Variants in PRKN observed in about 807,000 individuals in gnomAD.
PRKN encodes the protein parkin RBR E3 ubiquitin protein ligase.
Under a neutral mutation model 59.5 loss-of-function variants are expected in PRKN, and 56 were observed. That is an observed-to-expected ratio of 0.94 (90% confidence interval 0.76 to 1.18). The LOEUF is 1.18. Among genes scored for constraint, PRKN ranks in the 50% most tolerant of loss-of-function variants. The probability of loss-of-function intolerance (pLI) is 0.00; values close to 1 mark genes in which losing one functional copy is unlikely to be tolerated. For synonymous variants in PRKN, 250 were observed against 222.1 expected (o/e 1.13, Z -1.12); for missense variants, 657 against 596.4 (o/e 1.10, Z -1.06).
At chr6:162,191,786 C>T (rs1037112941) in intron 4 of PRKN, among the ~76,000 whole-genome samples, 14 of 152,126 alleles carry the variant, frequency 9.2e-5, no homozygotes, top group African/African-American at 3.1e-4. Context: ...CTGCTGTGTC[C>T]GTTGTTATCC....
chr6:162,000,041 T>TCTA (rs1177159066), intron 5 of PRKN, among the ~76,000 whole-genome samples: 34 of 152,122 alleles, frequency 2.2e-4, no homozygotes, highest in Admixed American at 1.3e-4. Flanking sequence ...TTTCCATCCA[T>TCTA]CTACTGAAGG....
chr6:161,668,347 A>G (rs2128167960), intron 7 of PRKN, among the ~76,000 whole-genome samples: 1 of 152,280 alleles, frequency 6.6e-6, no homozygotes, highest in African/African-American at 2.4e-5. Flanking sequence ...CTGGGTACAG[A>G]TCTCATTATG....
At chr6:161,374,612 G>GCAGGTTATGTA (rs1406474919) in intron 10 of PRKN, among the ~76,000 whole-genome samples, 1 of 1,520 alleles carries the variant, frequency 6.6e-4, no homozygotes, top group Non-Finnish European at 1.7e-3. Context: ...GTGTATGTGT[G>GCAGGTTATGTA]TATGTGTGTG....
At chr6:162,243,042 C>T (rs1779050954) in intron 3 of PRKN, among the ~76,000 whole-genome samples, 1 of 151,752 alleles carries the variant, frequency 6.6e-6, no homozygotes, top group African/African-American at 2.4e-5. Flanking sequence ...GCCAATCTTG[C>T]AGACTTGTAG....
At chr6:161,966,694 G>A (rs1253294199) in intron 6 of PRKN, among the ~76,000 whole-genome samples, 1 of 152,358 alleles carries the variant, frequency 6.6e-6, no homozygotes, top group Non-Finnish European at 1.5e-5. Context: ...TGAAGAGCAA[G>A]TCACTACTGT....
At chr6:162,533,022 T>G (rs576858986) in intron 1 of PRKN, among the ~76,000 whole-genome samples, 1 of 152,316 alleles carries the variant, frequency 6.6e-6, no homozygotes, top group African/African-American at 2.4e-5. Flanking sequence ...CCCTAGGTGC[T>G]TATCGGCTGT....
At chr6:161,543,431 T>C (rs1003803897) in intron 9 of PRKN, among the ~76,000 whole-genome samples, 3 of 152,150 alleles carry the variant, frequency 2.0e-5, no homozygotes, top group African/African-American at 7.2e-5. Flanking sequence ...AAGATGAACA[T>C]GGTTAAGAGG....
chr6:162,355,390 T>A (rs1412873777), intron 2 of PRKN, among the ~76,000 whole-genome samples: 1 of 151,336 alleles, frequency 6.6e-6, no homozygotes, highest in Non-Finnish European at 1.5e-5. Context: ...CCATCTGTAA[T>A]CTATCTATCT....
intron 6 of PRKN, among the ~76,000 whole-genome samples, chr6:161,895,619 C>T (rs1473405219): frequency 8.1e-6 from 1 of 122,732 alleles, no homozygotes; most frequent in African/African-American, 3.3e-5. Flanking sequence ...CCCACCCCAC[C>T]TGCTGTTATG....
rs1157205749 is a variant in PRKN at position 161,394,000 on chromosome 6, A to T, written c.1084-7123T>A. On this transcript the variant is annotated intron_variant, in intron 9 of 11. Coordinates refer to ENST00000366898, the MANE Select transcript of PRKN (RefSeq NM_004562.3). This position sits in a 1 kb window ranked among gnomAD's most constrained non-coding sequence, Gnocchi z 4.7. ...TTTTTGGTGTGTAGCTTTCCAGAAG[A>T]TGGCAGCAGAGATACGTAAGTCCAG... Among the ~76,000 whole-genome samples the T allele has an allele frequency of 6.6e-6, 1 of 152,120 alleles. No individual in the cohort carries two copies. The highest frequency in any genetic ancestry group is 2.4e-5 in the African/African-American group (1 of 41,398).
rs1180770811 is a variant in PRKN, at chr6:161,550,853, A to G, written c.934-1850T>C. The stretch of plus-strand genomic sequence containing the variant: ...AGCGATGTCAAAATGTCCAGTATCT[A>G]ATTGAATAAATAAGTGTAGTTTAGG... On this transcript the variant is annotated intron_variant, in intron 8 of 11. Transcript: ENST00000366898. This position sits in a 1 kb window ranked among gnomAD's most constrained non-coding sequence, Gnocchi z 4.0. Among the ~76,000 whole-genome samples, 1 of 152,048 alleles carries G rather than the reference A, an allele frequency of 6.6e-6. No homozygotes were observed. The highest frequency in any genetic ancestry group is 1.5e-5 in the Non-Finnish European group (1 of 68,024).
intron 7 of PRKN, among the ~76,000 whole-genome samples, chr6:161,633,696 C>T (rs371489312): frequency 6.6e-6 from 1 of 152,172 alleles, no homozygotes; most frequent in Admixed American, 6.5e-5. Flanking sequence ...AAGAAAAGTG[C>T]TTTCTTGCCA....
At chr6:161,890,509 T>C (rs1003600869) in intron 6 of PRKN, among the ~76,000 whole-genome samples, 6 of 152,320 alleles carry the variant, frequency 3.9e-5, no homozygotes, top group Admixed American at 2.0e-4. Flanking sequence ...TCACTGAGTT[T>C]GGGACTCATG....
chr6:161,758,301 G>A (rs1182534230), intron 7 of PRKN, among the ~76,000 whole-genome samples: 1 of 152,128 alleles, frequency 6.6e-6, no homozygotes, highest in Non-Finnish European at 1.5e-5. Context: ...TGTTGGTAAT[G>A]CCTGGCAACT....
At chr6:161,896,305 G>A (rs1331794861) in intron 6 of PRKN, among the ~76,000 whole-genome samples, 2 of 152,100 alleles carry the variant, frequency 1.3e-5, no homozygotes, top group Admixed American at 6.5e-5. Context: ...GTCAGTTTTG[G>A]GGCTCATGCC....
intron 1 of PRKN, among the ~76,000 whole-genome samples, chr6:162,581,489 G>A (rs1291834721): frequency 2.0e-5 from 3 of 152,214 alleles, no homozygotes; most frequent in Admixed American, 1.3e-4. Flanking sequence ...GGCCAGGTGC[G>A]GTGGCTCACG....
At chr6:162,158,887 G>A (rs777232017) in intron 4 of PRKN, among the ~76,000 whole-genome samples, 7 of 151,862 alleles carry the variant, frequency 4.6e-5, no homozygotes, top group African/African-American at 1.2e-4. Flanking sequence ...TAGCTAGTGC[G>A]CCCATGTTAA....
At chr6:162,433,679 C>T (rs114063607) in intron 2 of PRKN, among the ~76,000 whole-genome samples, 1 of 147,694 alleles carries the variant, frequency 6.8e-6, no homozygotes, top group Non-Finnish European at 1.5e-5. Context: ...AACACTAGAA[C>T]TATCTTAAAC....
chr6:162,021,461 A>ATATATT (rs59250759), intron 5 of PRKN, among the ~76,000 whole-genome samples: 3 of 24,650 alleles, frequency 1.2e-4, no homozygotes, highest in Non-Finnish European at 3.2e-4. Flanking sequence ...ATATATATAT[A>ATATATT]TTTTTTTTTT....
Sources: allele counts gnomAD v4.1 joint callset (sites outside exome capture counted in the v4.1 genomes callset), GRCh38; gene constraint gnomAD v4.1.1; non-coding constraint Gnocchi (gnomAD v3.1); transcripts MANE v1.5; gene names NCBI Gene and HGNC (gene_info 2026-07-23, HGNC 2026-07-21).